Variants in USP15 observed in about 807,000 individuals in gnomAD.
USP15 encodes the protein ubiquitin carboxyl-terminal hydrolase 15.
Under a neutral mutation model 127.1 loss-of-function variants are expected in USP15, and 18 were observed. The observed-to-expected ratio is 0.14, with a 90% CI of 0.10 to 0.21. The LOEUF (loss-of-function observed/expected upper bound fraction) is 0.21. Ranked by LOEUF, USP15 falls within the 10% of genes least tolerant of loss-of-function variation. The pLI is 1.00. For missense variants in USP15, 805 were observed against 1,159.9 expected, an observed-to-expected ratio of 0.69 and a Z score of 4.44; for synonymous variants, 364 against 393.7, an observed-to-expected ratio of 0.92 and a Z score of 0.89.
chr12:62,305,457 T>C (rs2064456097), intron 3 of USP15: 1 of 152,096 alleles, frequency 6.6e-6, no homozygotes, highest in African/African-American at 2.4e-5. Flanking sequence ...CCTTCAGGGA[T>C]GAAGGTGAAA....
At chr12:62,268,228 A>G (rs2063246371) in intron 1 of USP15, among the ~76,000 whole-genome samples, 1 of 145,542 alleles carries the variant, frequency 6.9e-6, no homozygotes, top group South Asian at 2.1e-4. Context: ...GGATAGTTAA[A>G]TGTATATGGT....
At chr12:62,261,575 G>A (rs1199668089) in intron 1 of USP15, among the ~76,000 whole-genome samples, 1 of 152,206 alleles carries the variant, frequency 6.6e-6, no homozygotes, top group East Asian at 1.9e-4. Context: ...GTATGGCTTT[G>A]AGGAGAGTTA....
chr12:62,294,152 C>G (rs931514816), intron 1 of USP15, 27 bp from the exon 2 acceptor site: 3 of 1,606,962 alleles, frequency 1.9e-6, no homozygotes, highest in Non-Finnish European at 2.5e-6. Context: ...CAGGTATTTT[C>G]CTTAACCAAT....
chr12:62,339,478 G>A (rs1231401578), intron 6 of USP15, among the ~76,000 whole-genome samples: 2 of 152,026 alleles, frequency 1.3e-5, no homozygotes, highest in Admixed American at 6.6e-5. Context: ...GTTTTCAGAG[G>A]GAGTGCTTCC....
chr12:62,318,791 A>G (rs1269948587), intron 4 of USP15, among the ~76,000 whole-genome samples: 1 of 152,140 alleles, frequency 6.6e-6, no homozygotes, highest in African/African-American at 2.4e-5. Context: ...CCTTATCTCC[A>G]TAATTCCCAC....
chr12:62,310,214 C>G (rs780738521), intron 3 of USP15, among the ~76,000 whole-genome samples: 5 of 151,834 alleles, frequency 3.3e-5, no homozygotes, highest in Admixed American at 1.3e-4. Flanking sequence ...AAATCTGTTA[C>G]ATATATATAA....
At chr12:62,330,088 A>T (rs951413532) in intron 6 of USP15, among the ~76,000 whole-genome samples, 20 of 152,204 alleles carry the variant, frequency 1.3e-4, no homozygotes, top group African/African-American at 4.6e-4. Flanking sequence ...TTTAAAACAT[A>T]CAGTTGAGAG....
At chr12:62,355,161 G>A in intron 7 of USP15, 170 bp from the exon 8 acceptor site, 1 of 545,670 alleles carries the variant, frequency 1.8e-6, no homozygotes, top group Non-Finnish European at 3.1e-6. Flanking sequence ...CTTAATTCAG[G>A]GTGAGTTATT....
chr12:62,402,662 A>G (rs955783767), intron 21 of USP15, among the ~76,000 whole-genome samples: 8 of 152,088 alleles, frequency 5.3e-5, no homozygotes. Context: ...TTAAAGGGAC[A>G]TGGGGAAGAA....
At chr12:62,304,669 A>G (rs1455084497) in intron 3 of USP15, 1 of 451,308 alleles carries the variant, frequency 2.2e-6, no homozygotes, top group East Asian at 7.0e-5. Flanking sequence ...TGCGTCATTT[A>G]TAGTGTCAAC....
rs980736071 is a variant in USP15 at position 62,405,142 on chromosome 12, A to G, written c.*767A>G. 2 of 152,088 alleles carry G rather than the reference A, an allele frequency of 1.3e-5. No individual in the cohort carries two copies. The highest frequency in any genetic ancestry group is 6.6e-5 in the Admixed American group (1 of 15,242). 9.4% of individuals were successfully genotyped at this position (152,088 alleles called of 1,614,324 possible). ...AAAAACATTTTTTGCTTTAAAATGC[A>G]TATCTTTAATTGGGTGTTGGTCCAA... On this transcript the variant is annotated 3_prime_UTR_variant, in exon 22 of 22. Transcript: ENST00000280377.
intron 5 of USP15, 81 bp downstream of exon 5, chr12:62,321,690 T>A: frequency 8.5e-7 from 1 of 1,181,464 alleles, no homozygotes; most frequent in Non-Finnish European, 1.1e-6. Flanking sequence ...TGGCAATATA[T>A]AATGGGCTGT....
At chr12:62,264,526 GAGTA>G (rs1415518026) in intron 1 of USP15, among the ~76,000 whole-genome samples, 1 of 152,198 alleles carries the variant, frequency 6.6e-6, no homozygotes, top group East Asian at 1.9e-4. Context: ...TAACTTTACA[GAGTA>G]AGTAATTTGT....
rs2064355585 is a variant in USP15 at position 62,302,799 on chromosome 12, C to A, written c.227C>A (p.Ala76Asp). 2 of 1,607,358 alleles carry A rather than the reference C, an allele frequency of 1.2e-6. No homozygotes were observed. The highest frequency in any genetic ancestry group is 8.5e-7 in the Non-Finnish European group (1 of 1,175,930). ...DNSGLLKDGD[A>D]QSLKEHLIDE... Reference sequence around the variant, plus strand: ...ATTTTTTCTTTTGCAGATGGTGATGCCCAGTCACTTAAGGAACACCTTATT... The same window carrying A: ...ATTTTTTCTTTTGCAGATGGTGATGACCAGTCACTTAAGGAACACCTTATT... The change falls in exon 3 of 22, where the codon GCC becomes GAC. Residue 76 changes from alanine (A) to aspartate (D), a missense_variant. This residue lies in a region of USP15 where 69 missense variants were observed against 126.4 expected (regional missense o/e 0.55). Coordinates refer to ENST00000280377, the MANE Select transcript of USP15 (RefSeq NM_001252078.2).
intron 19 of USP15, 120 bp downstream of exon 19, chr12:62,393,322 GTT>G: frequency 8.2e-7 from 1 of 1,221,286 alleles, no homozygotes; most frequent in Middle Eastern, 2.8e-4. Flanking sequence ...CAGCTTTCAA[GTT>G]TGTTTTTGAG....
At chr12:62,335,064 C>A in intron 6 of USP15, 2 of 1,110,360 alleles carry the variant, frequency 1.8e-6, no homozygotes, top group South Asian at 1.4e-5. Flanking sequence ...CGATATGTTA[C>A]ACCTAGCCCA....
At chr12:62,397,827 A>C (rs893675062) in intron 20 of USP15, among the ~76,000 whole-genome samples, 9 of 151,436 alleles carry the variant, frequency 5.9e-5, no homozygotes, top group African/African-American at 1.2e-4. Context: ...ACTGCACTCC[A>C]GCCTGGCAAC....
chr12:62,274,153 A>G (rs1390763169), intron 1 of USP15: 3 of 152,034 alleles, frequency 2.0e-5, no homozygotes, highest in Non-Finnish European at 4.4e-5. Flanking sequence ...GTAGTGTTAC[A>G]TGACCTTGAT....
At position 62,360,962 on chromosome 12, in the gene USP15, C is replaced by CA. The variant is rs796917545; in HGVS notation, c.915+5499dup. Reference sequence around the variant, plus strand: ...GGTCATCTATCCATTTTGATAAAAGCAAAAAAAAAAAATGTAAACAACCTT... The same window carrying CA: ...GGTCATCTATCCATTTTGATAAAAGCAAAAAAAAAAAAATGTAAACAACCTT... On this transcript the variant is annotated intron_variant, in intron 8 of 21. Coordinates refer to ENST00000280377, the MANE Select transcript of USP15 (RefSeq NM_001252078.2). Among the ~76,000 whole-genome samples the CA allele has an allele frequency of 3.4e-3, 468 of 137,848 alleles. 3 individuals carry two copies. The highest frequency in any genetic ancestry group is 0.015 in the Middle Eastern group (4 of 260). 90.4% of individuals were successfully genotyped at this position (137,848 alleles called of 152,430 possible).
Sources: gnomAD v4.1 joint callset for allele counts (sites outside exome capture counted in the v4.1 genomes callset) on GRCh38, gnomAD v4.1.1 for gene constraint, gnomAD v4.1.1 regional missense constraint, MANE v1.5 for transcripts, NCBI Gene and HGNC (gene_info 2026-07-23, HGNC 2026-07-21) for gene names.